Variants in ADAMTS3 observed in about 807,000 individuals in gnomAD.
ADAMTS3 encodes A disintegrin and metalloproteinase with thrombospondin motifs 3.
Under a neutral mutation model 129.0 loss-of-function variants are expected in ADAMTS3, and 73 were observed. That is an observed-to-expected ratio of 0.57 (90% CI 0.47 to 0.69). The LOEUF (loss-of-function observed/expected upper bound fraction) is 0.69, where lower values mean the gene tolerates loss of function less well. Among genes scored for constraint, ADAMTS3 ranks in the 30% least tolerant of loss-of-function variants. The probability of loss-of-function intolerance (pLI) is 0.00; values close to 1 mark genes in which losing one functional copy is unlikely to be tolerated. For missense variants in ADAMTS3, 1,457 were observed against 1,514.5 expected, an observed-to-expected ratio of 0.96 and a Z score of 0.63; for synonymous variants, 477 against 510.8, an observed-to-expected ratio of 0.93 and a Z score of 0.89.
chr4:72,409,845 A>G (rs75773949), intron 4 of ADAMTS3, among the ~76,000 whole-genome samples: 5,555 of 152,282 alleles, frequency 0.036, 123 homozygotes, highest in Non-Finnish European at 0.048. Flanking sequence ...CTAACCAGAC[A>G]ACAGATTCCA....
At chr4:72,504,190 G>A (rs1422700980) in intron 3 of ADAMTS3, among the ~76,000 whole-genome samples, 1 of 152,088 alleles carries the variant, frequency 6.6e-6, no homozygotes, top group African/African-American at 2.4e-5. Flanking sequence ...GGGTCTGTGG[G>A]CTATGTACAT....
At chr4:72,401,635 T>C (rs1215293823) in intron 4 of ADAMTS3, among the ~76,000 whole-genome samples, 30 of 136,346 alleles carry the variant, frequency 2.2e-4, no homozygotes, top group Admixed American at 2.1e-3. Context: ...AAAGAAAATA[T>C]GCTACAAATC....
At chr4:72,341,031 A>C (rs1720123146) in intron 4 of ADAMTS3, among the ~76,000 whole-genome samples, 3 of 152,284 alleles carry the variant, frequency 2.0e-5, no homozygotes, top group South Asian at 4.1e-4. Context: ...TAGCCATTTG[A>C]GTCAGCATCT....
intron 15 of ADAMTS3, among the ~76,000 whole-genome samples, chr4:72,307,420 C>T (rs140016656): frequency 2.0e-5 from 3 of 152,120 alleles, no homozygotes; most frequent in East Asian, 3.9e-4. Context: ...TTACCCAGTA[C>T]GTTTTTAGCT....
chr4:72,423,418 C>T (rs535235810), intron 3 of ADAMTS3, among the ~76,000 whole-genome samples: 1 of 152,172 alleles, frequency 6.6e-6, no homozygotes, highest in South Asian at 2.1e-4. Flanking sequence ...TTTTAGTTCG[C>T]TAAGGTTCTC....
At chr4:72,418,984 C>A (rs1722377197) in intron 3 of ADAMTS3, among the ~76,000 whole-genome samples, 3 of 152,122 alleles carry the variant, frequency 2.0e-5, no homozygotes. Context: ...CTTTGCAATG[C>A]CATTCATTCT....
chr4:72,398,015 G>A (rs1423523762), intron 4 of ADAMTS3, among the ~76,000 whole-genome samples: 1 of 152,080 alleles, frequency 6.6e-6, no homozygotes, highest in African/African-American at 2.4e-5. Context: ...GGGATAAGGA[G>A]CCTACACTGA....
intron 5 of ADAMTS3, among the ~76,000 whole-genome samples, 155 bp downstream of exon 5, chr4:72,339,339 C>T (rs1187634219): frequency 6.6e-6 from 1 of 152,154 alleles, no homozygotes; most frequent in Non-Finnish European, 1.5e-5. Flanking sequence ...CATTCCTGTA[C>T]TTTAAATATG....
chr4:72,482,226 G>A (rs1719456292), intron 3 of ADAMTS3, among the ~76,000 whole-genome samples: 1 of 151,874 alleles, frequency 6.6e-6, no homozygotes, highest in Non-Finnish European at 1.5e-5. Flanking sequence ...AGCACCTTTG[G>A]TCACAACAGC....
At chr4:72,438,911 T>C (rs1044799627) in intron 3 of ADAMTS3, among the ~76,000 whole-genome samples, 2 of 151,842 alleles carry the variant, frequency 1.3e-5, no homozygotes, top group Admixed American at 6.6e-5. Flanking sequence ...CCACTAACTA[T>C]TACTGTGCCT....
chr4:72,318,811 G>T, intron 9 of ADAMTS3, 107 bp from the exon 10 acceptor site: 1 of 1,173,934 alleles, frequency 8.5e-7, no homozygotes, highest in Non-Finnish European at 1.2e-6. Flanking sequence ...TTTCATCCCA[G>T]ATCATACAGC....
At chr4:72,377,394 A>G (rs1474351165) in intron 4 of ADAMTS3, among the ~76,000 whole-genome samples, 1 of 152,146 alleles carries the variant, frequency 6.6e-6, no homozygotes, top group Admixed American at 6.6e-5. Flanking sequence ...GAAATAGGGG[A>G]AAACGGAGAA....
intron 4 of ADAMTS3, among the ~76,000 whole-genome samples, chr4:72,373,503 T>C (rs1721064369): frequency 6.6e-6 from 1 of 152,078 alleles, no homozygotes; most frequent in Admixed American, 6.6e-5. Context: ...ACAAAATAAT[T>C]TGATTGAAAA....
At chr4:72,295,812 G>A in intron 18 of ADAMTS3, 26 bp from the exon 19 acceptor site, 2 of 1,603,940 alleles carry the variant, frequency 1.2e-6, no homozygotes, top group Non-Finnish European at 1.7e-6. Context: ...AAGTTCTTTG[G>A]ATTTAATCAC....
At position 72,485,507 on chromosome 4, in the gene ADAMTS3, G is replaced by T. The variant is rs543569023; in HGVS notation, c.504+62971C>A. 9.2e-5 allele frequency among the ~76,000 whole-genome samples: 14 copies of T among 151,964 alleles called. No homozygotes were observed. The South Asian group carries it at 2.7e-3, about 29-fold the overall frequency. On this transcript the variant is annotated intron_variant, in intron 3 of 21. Transcript: ENST00000286657. ...AATTATGTATGTTCTGGTTTAACAG[G>T]TTATTTTTTTTTTAAAGATCATTGG... is the stretch of plus-strand genomic sequence containing the variant.
intron 3 of ADAMTS3, among the ~76,000 whole-genome samples, chr4:72,470,137 T>A (rs1320748875): frequency 6.6e-6 from 1 of 151,990 alleles, no homozygotes; most frequent in Admixed American, 6.6e-5. Flanking sequence ...AAAACTAGAA[T>A]GCTCAATACT....
At chr4:72,310,990 T>A in intron 14 of ADAMTS3, 58 bp downstream of exon 14, 1 of 1,452,342 alleles carries the variant, frequency 6.9e-7, no homozygotes, top group Non-Finnish European at 9.2e-7. Context: ...AATGTGCAGA[T>A]GAATGACAGT....
intron 13 of ADAMTS3, 78 bp downstream of exon 13, chr4:72,312,213 C>T: frequency 6.6e-7 from 1 of 1,513,230 alleles, no homozygotes; most frequent in Non-Finnish European, 9.1e-7. Context: ...GATCAAGAGT[C>T]CATGGGGTTC....
chr4:72,512,216 T>C (rs947850505), intron 3 of ADAMTS3, among the ~76,000 whole-genome samples: 78 of 152,136 alleles, frequency 5.1e-4, no homozygotes, highest in Non-Finnish European at 1.0e-4. Flanking sequence ...TGGCTCACAC[T>C]TGTAATCCCT....
Sources: gnomAD v4.1 joint callset for allele counts (sites outside exome capture counted in the v4.1 genomes callset) on GRCh38, gnomAD v4.1.1 for gene constraint, MANE v1.5 for transcripts, NCBI Gene and HGNC (gene_info 2026-07-23, HGNC 2026-07-21) for gene names.